The following TPP2 variants were observed in gnomAD, a reference collection of about 807,000 sequenced individuals.
TPP2 encodes tripeptidyl peptidase 2, also known as tripeptidyl-peptidase 2.
A neutral mutation model predicts 155.9 loss-of-function variants in TPP2; 34 were observed. That is an observed-to-expected ratio of 0.22 (90% CI 0.17 to 0.29). The LOEUF is 0.29. Among genes scored for constraint, TPP2 ranks in the 10% least tolerant of loss-of-function variants. The pLI is 1.00. For missense variants in TPP2, 1,028 were observed against 1,522.3 expected, an observed-to-expected ratio of 0.68 and a Z score of 5.40; for synonymous variants, 510 against 529.4, an observed-to-expected ratio of 0.96 and a Z score of 0.50.
At chr13:102,600,188 T>C (rs1224879557) in intron 1 of TPP2, among the ~76,000 whole-genome samples, 1 of 152,120 alleles carries the variant, frequency 6.6e-6, no homozygotes, top group Non-Finnish European at 1.5e-5. Flanking sequence ...CTTTCATCCT[T>C]TGCCTCCCCT....
At chr13:102,603,237 G>T (rs1438609194) in intron 1 of TPP2, among the ~76,000 whole-genome samples, 1 of 152,174 alleles carries the variant, frequency 6.6e-6, no homozygotes, top group Non-Finnish European at 1.5e-5. Context: ...GCTAGGTAGT[G>T]GGTATATGTA....
At chr13:102,608,494 T>C (rs1181764261) in intron 2 of TPP2, among the ~76,000 whole-genome samples, 2 of 152,154 alleles carry the variant, frequency 1.3e-5, no homozygotes, top group Admixed American at 6.5e-5. Flanking sequence ...TTTAAATTTT[T>C]TTCCACCTTT....
At chr13:102,623,088 A>G (rs1466634985) in intron 6 of TPP2, 48 bp downstream of exon 6, 8 of 1,564,220 alleles carry the variant, frequency 5.1e-6, no homozygotes, top group Admixed American at 1.9e-5. Flanking sequence ...ATGAGGTGAT[A>G]AAGTGGTACG....
intron 1 of TPP2, among the ~76,000 whole-genome samples, chr13:102,600,580 C>G (rs1434201482): frequency 6.6e-6 from 1 of 152,124 alleles, no homozygotes; most frequent in African/African-American, 2.4e-5. Context: ...GTTTAGATAA[C>G]TTTTTCCTGG....
intron 6 of TPP2, 75 bp downstream of exon 6, chr13:102,623,115 C>A: frequency 1.4e-6 from 2 of 1,458,278 alleles, no homozygotes; most frequent in East Asian, 2.3e-5. Flanking sequence ...TAGCTCACAG[C>A]AACCTTCTAG....
rs562320452 is a variant in TPP2 at position 102,647,684 on chromosome 13, C to T, written c.2628+340C>T. On this transcript the variant is annotated intron_variant, in intron 21 of 29. Coordinates refer to ENST00000376052, the MANE Select transcript of TPP2 (RefSeq NM_001330588.2). Reference sequence around the variant, plus strand: ...CATCAAAGCATGCATCAAAGAGATGCGAGCCTCTTGAAATGATCCTAAGTC... The same window carrying T: ...CATCAAAGCATGCATCAAAGAGATGTGAGCCTCTTGAAATGATCCTAAGTC... 4.6e-5 allele frequency among the ~76,000 whole-genome samples: 7 copies of T among 152,218 alleles called. No homozygotes were observed. In the South Asian group the frequency reaches 8.3e-4, roughly 18 times the overall value.
chr13:102,672,943 A>G (rs1021935703), intron 27 of TPP2, among the ~76,000 whole-genome samples: 1 of 152,212 alleles, frequency 6.6e-6, no homozygotes, highest in Non-Finnish European at 1.5e-5. Context: ...TCTTTTAGGC[A>G]TAGTTTCATT....
intron 5 of TPP2, among the ~76,000 whole-genome samples, chr13:102,621,831 T>C (rs1167767548): frequency 6.6e-6 from 1 of 152,138 alleles, no homozygotes; most frequent in Admixed American, 6.5e-5. Flanking sequence ...TGCTGGCCGA[T>C]TGCATAAATT....
At chr13:102,666,471 C>T (rs148456528) in intron 27 of TPP2, among the ~76,000 whole-genome samples, 1 of 152,166 alleles carries the variant, frequency 6.6e-6, no homozygotes, top group Admixed American at 6.6e-5. Context: ...AAACTGTCTT[C>T]CACAGATCAC....
At chr13:102,676,579 C>T (rs1273143344) in intron 29 of TPP2, among the ~76,000 whole-genome samples, 164 bp downstream of exon 29, 1 of 152,130 alleles carries the variant, frequency 6.6e-6, no homozygotes, top group African/African-American at 2.4e-5. Context: ...ATATGAGAGA[C>T]AGTCAATAAG....
intron 2 of TPP2, among the ~76,000 whole-genome samples, chr13:102,608,323 A>G (rs1338726092): frequency 5.9e-5 from 9 of 152,040 alleles, no homozygotes; most frequent in Non-Finnish European, 1.2e-4. Flanking sequence ...CTTTACTTGT[A>G]GAATTAATAT....
chr13:102,654,297 AT>A (rs1883701163), intron 24 of TPP2, among the ~76,000 whole-genome samples: 1 of 152,206 alleles, frequency 6.6e-6, no homozygotes, highest in Non-Finnish European at 1.5e-5. Flanking sequence ...TTACACTAAC[AT>A]TTATAATTGT....
intron 2 of TPP2, among the ~76,000 whole-genome samples, chr13:102,611,352 G>A (rs1450741330): frequency 6.6e-6 from 1 of 152,140 alleles, no homozygotes; most frequent in Non-Finnish European, 1.5e-5. Flanking sequence ...AACTGGACAG[G>A]ACATCTTCTT....
At chr13:102,645,056 G>A (rs768844790) in intron 19 of TPP2, 47 bp downstream of exon 19, 3 of 1,569,838 alleles carry the variant, frequency 1.9e-6, no homozygotes, top group South Asian at 2.3e-5. Context: ...TATAGATTGG[G>A]GGGATCTCTT....
intron 1 of TPP2, among the ~76,000 whole-genome samples, chr13:102,601,148 C>G (rs1879402120): frequency 6.6e-6 from 1 of 152,178 alleles, no homozygotes; most frequent in Non-Finnish European, 1.5e-5. Flanking sequence ...GTCATCATCT[C>G]TCTACTTACT....
At chr13:102,649,318 T>C (rs984097999) in intron 22 of TPP2, 90 bp from the exon 23 acceptor site, 1 of 1,466,622 alleles carries the variant, frequency 6.8e-7, no homozygotes, top group Non-Finnish European at 9.3e-7. Flanking sequence ...ATGAATTCAG[T>C]GTGGAATTGT....
intron 27 of TPP2, among the ~76,000 whole-genome samples, chr13:102,671,394 A>G (rs991512144): frequency 6.6e-6 from 1 of 152,132 alleles, no homozygotes; most frequent in Non-Finnish European, 1.5e-5. Context: ...CAGCTAATTC[A>G]TGGGCTCTTT....
At chr13:102,605,026 C>T (rs1227775418) in intron 2 of TPP2, 105 bp downstream of exon 2, 1 of 1,498,526 alleles carries the variant, frequency 6.7e-7, no homozygotes, top group African/African-American at 1.4e-5. Context: ...TATCCATTGC[C>T]ACATATCAGA....
chr13:102,646,248 C>T, intron 19 of TPP2, 46 bp from the exon 20 acceptor site: 11 of 1,499,924 alleles, frequency 7.3e-6, no homozygotes, highest in Non-Finnish European at 1.0e-5. Flanking sequence ...TTGTCTCATT[C>T]AATGAACTCT....
Sources: gnomAD v4.1 joint callset for allele counts (sites outside exome capture counted in the v4.1 genomes callset) on GRCh38, gnomAD v4.1.1 for gene constraint, MANE v1.5 for transcripts, NCBI Gene and HGNC (gene_info 2026-07-23, HGNC 2026-07-21) for gene names.